Variants in TIMELESS observed in about 807,000 individuals in gnomAD.
TIMELESS encodes timeless circadian regulator.
Under a neutral mutation model 164.3 loss-of-function variants are expected in TIMELESS, and 124 were observed. That is an observed-to-expected ratio of 0.75 (90% CI 0.65 to 0.88). TIMELESS has a LOEUF of 0.88. Among genes scored for constraint, TIMELESS ranks in the 40% least tolerant of loss-of-function variants. The pLI is 0.00. For synonymous variants in TIMELESS, 564 were observed against 563.4 expected (o/e 1.00, Z -0.02); for missense variants, 1,422 against 1,491.4 (o/e 0.95, Z 0.77).
intron 11 of TIMELESS, 85 bp from the exon 12 acceptor site, chr12:56,428,737 A>T: frequency 6.8e-7 from 1 of 1,473,630 alleles, no homozygotes; most frequent in African/African-American, 1.4e-5. Context: ...GCGAAAAAAA[A>T]AAATGTGCCA....
rs145784429 is a variant in TIMELESS, at chr12:56,417,805, TGAGA to T, written c.3557-23_3557-20del. The T allele has an allele frequency of 3.1e-6, 5 of 1,608,412 alleles. No individual in the cohort carries two copies. The highest frequency in any genetic ancestry group is 2.2e-5 in the South Asian group (2 of 90,668). On this transcript the variant is annotated intron_variant, in intron 28 of 28. Coordinates refer to ENST00000553532, the MANE Select transcript of TIMELESS (RefSeq NM_003920.5). ...TCTGGTGCTGTGGGAACGATGGGGGTGAGAGAGAGAGAGAATATCTAAATATGTT... is the reference window on the plus strand; with the variant it reads ...TCTGGTGCTGTGGGAACGATGGGGGTGAGAGAGAGAATATCTAAATATGTT...
rs1186968984 is a variant in TIMELESS at position 56,432,394 on chromosome 12, A to G, written c.662T>C (p.Ile221Thr). 11 of 1,614,086 alleles carry G rather than the reference A, an allele frequency of 6.8e-6. No homozygotes were observed. The highest frequency in any genetic ancestry group is 9.3e-6 in the Non-Finnish European group (11 of 1,179,946). ...CTGGTCACGAAACATAAGGGAGACA[A>G]TCTCTAGCACATGTAGGCTCCATTG... ...EEQWSLHVLE[I>T]VSLMFRDQNP... The change falls in exon 7 of 29, where the codon ATT becomes ACT. Residue 221 changes from isoleucine to threonine, a missense_variant. By Grantham distance (89) the Ile-to-Thr change is moderately conservative. Transcript: ENST00000553532.
At chr12:56,438,467 AAGTCTATATTTAAAAAGGGCACAGCC>A (rs1192952989) in intron 1 of TIMELESS, among the ~76,000 whole-genome samples, 1 of 151,932 alleles carries the variant, frequency 6.6e-6, no homozygotes, top group Non-Finnish European at 1.5e-5. Flanking sequence ...TCAAATTTGA[AAGTCTATATTTAAAAAGGGCACAGCC>A]AGGTTCAGTG....
chr12:56,446,566 C>A (rs1868352704), intron 1 of TIMELESS, among the ~76,000 whole-genome samples: 1 of 152,134 alleles, frequency 6.6e-6, no homozygotes, highest in Non-Finnish European at 1.5e-5. Context: ...CGCAGTGGCT[C>A]ATGCCTGTAA....
intron 13 of TIMELESS, among the ~76,000 whole-genome samples, chr12:56,425,654 C>T (rs573426363): frequency 1.3e-5 from 2 of 152,098 alleles, no homozygotes; most frequent in African/African-American, 2.4e-5. Context: ...GCAGGTGGAT[C>T]GCTTGAGGTC....
chr12:56,432,498 A>T lies in TIMELESS; in HGVS notation c.558T>A (p.His186Gln). The T allele has an allele frequency of 6.2e-7, 1 of 1,614,156 alleles. No individual in the cohort carries two copies. The highest frequency in any genetic ancestry group is 8.5e-7 in the Non-Finnish European group (1 of 1,180,026). The stretch of plus-strand genomic sequence containing the variant: ...GGTGAATCGCCCAGAGGAGCTGGTC[A>T]TGGGCACTGGCGTCATCATCAATCT... ...EKKIDDDASA[H>Q]DQLLWAIHLS... The change falls in exon 7 of 29, where the codon CAT becomes CAA. Residue 186 changes from histidine to glutamine, a missense_variant. Coordinates refer to ENST00000553532, the MANE Select transcript of TIMELESS (RefSeq NM_003920.5).
Position 56,424,903 on chromosome 12 carries a change from A to AG in TIMELESS, c.1726dup (p.Leu576ProfsTer10). The AG allele has an allele frequency of 1.2e-6, 2 of 1,614,234 alleles. No homozygotes were observed. Among genetic ancestry groups the AG allele is most frequent in the Non-Finnish European group, 1.7e-6 (2 of 1,180,046 alleles). ...AAAGGGAACCACGGAGTCCATGCTG[A>AG]GCTCAGAATTCTAGAGATGGATAAA... is the stretch of plus-strand genomic sequence containing the variant. On this transcript the variant is annotated frameshift_variant, in exon 15 of 29. Coordinates refer to ENST00000553532, the MANE Select transcript of TIMELESS (RefSeq NM_003920.5). LOFTEE classifies it high-confidence loss of function.
rs1195516540 is a variant in TIMELESS, at chr12:56,439,187, AAAAAAAAAAG to A, written c.-61-4966_-61-4957del. ...CTTCTCAAAAAAAAAAAAAAAAAAAAAAAAAAAAAGAAGCCAAACACAAAAGGTCATATAT... is the reference window on the plus strand; with the variant it reads ...CTTCTCAAAAAAAAAAAAAAAAAAAAAAGCCAAACACAAAAGGTCATATAT... On this transcript the variant is annotated intron_variant, in intron 1 of 28. Transcript: ENST00000553532. 1.4e-4 allele frequency among the ~76,000 whole-genome samples: 21 copies of A among 150,492 alleles called. No individual in the cohort carries two copies. The South Asian group carries it at 1.5e-3, about 10-fold the overall frequency.
At position 56,433,455 on chromosome 12, in the gene TIMELESS, G is replaced by C; in HGVS notation, c.367-12C>G. On this transcript the variant is annotated splice_polypyrimidine_tract_variant and intron_variant, in intron 4 of 28. Transcript: ENST00000553532. ...TCACTGGCAAAGGCCTGTGAAATAGGGAACCTGATCTTAAGTAGCAGTCAT... is the reference window on the plus strand; with the variant it reads ...TCACTGGCAAAGGCCTGTGAAATAGCGAACCTGATCTTAAGTAGCAGTCAT... 1 of 1,614,176 alleles carries C rather than the reference G, an allele frequency of 6.2e-7. No homozygotes were observed. Among genetic ancestry groups the C allele is most frequent in the Non-Finnish European group, 8.5e-7 (1 of 1,180,036 alleles).
chr12:56,423,909 G>A lies in TIMELESS; in HGVS notation c.1869-15C>T, dbSNP rs1351248045. ...GCCACACCTCCCTGGAGCACAGATA[G>A]AAAAAAGGCTTTACCCAGGGGAAAT... On this transcript the variant is annotated splice_polypyrimidine_tract_variant and intron_variant, in intron 15 of 28. Coordinates refer to ENST00000553532, the MANE Select transcript of TIMELESS (RefSeq NM_003920.5). 2 of 1,608,560 alleles carry A rather than the reference G, an allele frequency of 1.2e-6. No individual in the cohort carries two copies. The highest frequency in any genetic ancestry group is 1.7e-6 in the Non-Finnish European group (2 of 1,176,356).
chr12:56,445,741 AAAAG>A (rs1431716780), intron 1 of TIMELESS, among the ~76,000 whole-genome samples: 1 of 152,066 alleles, frequency 6.6e-6, no homozygotes, highest in African/African-American at 2.4e-5. Flanking sequence ...AAAAAAAAAA[AAAAG>A]AAACCTAGGA....
chr12:56,441,194 T>A (rs1240098644), intron 1 of TIMELESS, among the ~76,000 whole-genome samples: 2 of 152,238 alleles, frequency 1.3e-5, no homozygotes, highest in Admixed American at 6.5e-5. Context: ...ATTTTTCTAG[T>A]AATTTTATTT....
Position 56,421,353 on chromosome 12 carries a change from A to C in TIMELESS, c.2866T>G (p.Leu956Val). 6.2e-7 allele frequency: 1 copy of C among 1,613,730 alleles called. No individual in the cohort carries two copies. The highest frequency in any genetic ancestry group is 1.1e-5 in the South Asian group (1 of 91,002). The change falls in exon 23 of 29, where the codon TTG becomes GTG. Residue 956 changes from leucine to valine, a missense_variant and splice_region_variant. Coordinates refer to ENST00000553532, the MANE Select transcript of TIMELESS (RefSeq NM_003920.5). ...KRQKKLASSI[L>V]PNGAESLKDF... ...CAGAGCTAGGGTCAGATTGTTACCA[A>C]GATGGAGGATGCCAACTTTTTCTGC...
intron 26 of TIMELESS, among the ~76,000 whole-genome samples, chr12:56,420,048 A>ATATATATATATATATATATATATG (rs1473074484): frequency 1.6e-4 from 14 of 87,322 alleles, no homozygotes; most frequent in East Asian, 5.6e-4. Flanking sequence ...ATATATATAT[A>ATATATATATATATATATATATATG]TGTGTGTGTG....
intron 1 of TIMELESS, among the ~76,000 whole-genome samples, chr12:56,438,499 C>T (rs556039957): frequency 1.3e-5 from 2 of 151,948 alleles, no homozygotes; most frequent in Non-Finnish European, 2.9e-5. Context: ...CAGCCAGGTT[C>T]AGTGGCTCAC....
Position 56,421,400 on chromosome 12 carries a change from C to G in TIMELESS, c.2819G>C (p.Arg940Pro). 6.2e-7 allele frequency: 1 copy of G among 1,614,152 alleles called. No homozygotes were observed. The highest frequency in any genetic ancestry group is 8.5e-7 in the Non-Finnish European group (1 of 1,180,036). ...KLLALGLVAE[R>P]RELYKKRQKK... The stretch of plus-strand genomic sequence containing the variant: ...CTGCCGTTTCTTGTACAGCTCCCGC[C>G]GCTCAGCCACCAGCCCCAGAGCCAA... The change falls in exon 23 of 29, where the codon CGG becomes CCG. Residue 940 changes from arginine (R) to proline (P), a missense_variant. Arg to Pro is a moderately radical substitution (Grantham distance 103). Coordinates refer to ENST00000553532, the MANE Select transcript of TIMELESS (RefSeq NM_003920.5).
intron 1 of TIMELESS, among the ~76,000 whole-genome samples, chr12:56,446,809 T>C: frequency 8.3e-6 from 1 of 120,488 alleles, no homozygotes. Flanking sequence ...AAACTCCATC[T>C]CAAAAAAAAA....
chr12:56,445,280 C>T (rs1868332728), intron 1 of TIMELESS, among the ~76,000 whole-genome samples: 1 of 150,758 alleles, frequency 6.6e-6, no homozygotes, highest in Non-Finnish European at 1.5e-5. Flanking sequence ...ACAAAATTAG[C>T]TGGGTGTGGT....
chr12:56,424,418 C>CT (rs1249981457), intron 15 of TIMELESS, among the ~76,000 whole-genome samples: 1 of 152,168 alleles, frequency 6.6e-6, no homozygotes, highest in Admixed American at 6.5e-5. Context: ...GATACTGCCA[C>CT]TTTAAGTGAA....
Sources: gnomAD v4.1 joint callset for allele counts (sites outside exome capture counted in the v4.1 genomes callset) on GRCh38, gnomAD v4.1.1 for gene constraint, MANE v1.5 for transcripts, NCBI Gene and HGNC (gene_info 2026-07-23, HGNC 2026-07-21) for gene names.